Variants in MFHAS1 observed in about 807,000 individuals in gnomAD.
MFHAS1 encodes the protein malignant fibrous histiocytoma-amplified sequence 1.
MFHAS1 carries 50 observed loss-of-function variants against 70.4 expected under a neutral mutation model. The ratio of observed to expected loss-of-function variants is 0.71; its 90% CI spans 0.57 to 0.90. MFHAS1 has a LOEUF of 0.90. Among genes scored for constraint, MFHAS1 ranks in the 40% least tolerant of loss-of-function variants. The pLI is 0.00. For synonymous variants in MFHAS1, 952 were observed against 620.0 expected (o/e 1.54, Z -7.96); for missense variants, 1,795 against 1,347.6 (o/e 1.33, Z -5.20).
At position 8,808,862 on chromosome 8, in the gene MFHAS1, T is replaced by C. The variant is rs115598039; in HGVS notation, c.2999-11371A>G. Reference sequence around the variant, plus strand: ...AATAAGGGTTGGAGGAATGACTCTATAGCAAGGGTGCCCAACGCCAGGGCC... The same window carrying C: ...AATAAGGGTTGGAGGAATGACTCTACAGCAAGGGTGCCCAACGCCAGGGCC... On this transcript the variant is annotated intron_variant, in intron 1 of 2. Transcript: ENST00000276282. Among the ~76,000 whole-genome samples, 907 of 152,220 alleles carry C rather than the reference T, an allele frequency of 6.0e-3. 12 individuals are homozygous for C. The highest frequency in any genetic ancestry group is 0.021 in the African/African-American group (874 of 41,526).
intron 2 of MFHAS1, among the ~76,000 whole-genome samples, chr8:8,796,688 C>CAAAAAAAAAAAAAAAAAA (rs55756300): frequency 1.2e-4 from 3 of 24,774 alleles, no homozygotes; most frequent in Non-Finnish European, 2.1e-4. Context: ...CGTCTCAAAA[C>CAAAAAAAAAAAAAAAAAA]AAAAAAAAAA....
intron 1 of MFHAS1, among the ~76,000 whole-genome samples, chr8:8,886,283 AG>A (rs1809749359): frequency 6.6e-6 from 1 of 151,836 alleles, no homozygotes; most frequent in South Asian, 2.1e-4. Flanking sequence ...GTCCCACCTC[AG>A]CCCCCCAACT....
intron 1 of MFHAS1, among the ~76,000 whole-genome samples, chr8:8,853,667 A>T (rs534589392): frequency 6.6e-6 from 1 of 152,192 alleles, no homozygotes; most frequent in East Asian, 1.9e-4. Context: ...CCAGGGTTCA[A>T]GCGATTCTCC....
chr8:8,889,966 A>T, intron 1 of MFHAS1, 95 bp downstream of exon 1: 1 of 1,052,838 alleles, frequency 9.5e-7, no homozygotes, highest in Non-Finnish European at 1.4e-6. Context: ...AGAACCCGTG[A>T]AGTTAAACAA....
intron 1 of MFHAS1, among the ~76,000 whole-genome samples, chr8:8,831,022 T>C (rs988148739): frequency 1.3e-5 from 2 of 152,136 alleles, no homozygotes; most frequent in African/African-American, 4.8e-5. Context: ...TTTCTCACAG[T>C]CCAGAGGCTG....
Position 8,892,352 on chromosome 8 carries a change from C to T in MFHAS1, c.707G>A (p.Gly236Glu). 1 of 1,611,996 alleles carries T rather than the reference C, an allele frequency of 6.2e-7. No individual in the cohort carries two copies. The highest frequency in any genetic ancestry group is 8.5e-7 in the Non-Finnish European group (1 of 1,179,902). ...LRALKILWLSGAELGTLPAGF... is the reference protein window; with the variant it reads ...LRALKILWLSEAELGTLPAGF... ...GGCGGGCAGCGTGCCAAGCTCGGCC[C>T]CACTCAGCCAGAGGATCTTGAGGGC... The change falls in exon 1 of 3, where the codon GGG (glycine) becomes GAG (glutamate). Residue 236 changes from glycine (G) to glutamate (E), a missense_variant. Coordinates refer to ENST00000276282, the MANE Select transcript of MFHAS1 (RefSeq NM_004225.3). The surrounding 1 kb of genome is among the most constrained non-coding windows in gnomAD (Gnocchi z 4.7).
rs1333261846 is a variant in MFHAS1 at position 8,821,443 on chromosome 8, C to G, written c.2999-23952G>C. Among the ~76,000 whole-genome samples the G allele has an allele frequency of 2.0e-5, 3 of 152,206 alleles. No homozygotes were observed. In the East Asian group the frequency reaches 5.8e-4, roughly 29 times the overall value. Reference sequence around the variant, plus strand: ...GGAGAATAGCATGAAGCAGTAACCTCCCTCCCAAATTTGCTTACAACTCTT... The same window carrying G: ...GGAGAATAGCATGAAGCAGTAACCTGCCTCCCAAATTTGCTTACAACTCTT... On this transcript the variant is annotated intron_variant, in intron 1 of 2. Coordinates refer to ENST00000276282, the MANE Select transcript of MFHAS1 (RefSeq NM_004225.3).
At chr8:8,888,797 C>G (rs1459362921) in intron 1 of MFHAS1, among the ~76,000 whole-genome samples, 1 of 152,116 alleles carries the variant, frequency 6.6e-6, no homozygotes, top group Admixed American at 6.5e-5. Context: ...GGACATTTGT[C>G]CAAACCCACA....
chr8:8,853,975 A>T (rs1808339239), intron 1 of MFHAS1, among the ~76,000 whole-genome samples: 1 of 152,218 alleles, frequency 6.6e-6, no homozygotes, highest in Admixed American at 6.5e-5. Flanking sequence ...ATTCCATAAA[A>T]GACACCAACC....
intron 2 of MFHAS1, among the ~76,000 whole-genome samples, chr8:8,793,457 T>C (rs1322363985): frequency 2.6e-5 from 4 of 152,172 alleles, no homozygotes; most frequent in African/African-American, 4.8e-5. Context: ...AAAACCATCA[T>C]GAGATCCAGA....
At chr8:8,816,533 T>TA (rs1806752263) in intron 1 of MFHAS1, among the ~76,000 whole-genome samples, 2 of 152,236 alleles carry the variant, frequency 1.3e-5, no homozygotes, top group Admixed American at 6.5e-5. Context: ...AGAAATGCCA[T>TA]ATAAGCGTGC....
intron 1 of MFHAS1, among the ~76,000 whole-genome samples, chr8:8,876,533 G>A (rs1042385856): frequency 6.4e-4 from 98 of 152,010 alleles, no homozygotes; most frequent in African/African-American, 2.3e-3. Context: ...TCAGCAGTTC[G>A]AGACCAGTGT....
At chr8:8,800,951 C>T (rs1336667490) in intron 1 of MFHAS1, among the ~76,000 whole-genome samples, 1 of 151,982 alleles carries the variant, frequency 6.6e-6, no homozygotes, top group Non-Finnish European at 1.5e-5. Flanking sequence ...TGCAGTGGCT[C>T]ACACCTGTAA....
intron 1 of MFHAS1, among the ~76,000 whole-genome samples, chr8:8,846,322 A>AGGAGGAGTAGGAGGGGGG (rs1248091419): frequency 1.2e-5 from 1 of 82,670 alleles, no homozygotes; most frequent in East Asian, 4.5e-4. Flanking sequence ...AAGGAGGAGA[A>AGGAGGAGTAGGAGGGGGG]GGAGGAGTAG....
At chr8:8,795,675 A>C (rs773486600) in intron 2 of MFHAS1, among the ~76,000 whole-genome samples, 1 of 152,224 alleles carries the variant, frequency 6.6e-6, no homozygotes, top group Admixed American at 6.5e-5. Flanking sequence ...GCAGCTAATG[A>C]GTAAGAATGC....
intron 1 of MFHAS1, among the ~76,000 whole-genome samples, chr8:8,866,591 T>C (rs528002449): frequency 6.6e-6 from 1 of 152,314 alleles, no homozygotes; most frequent in African/African-American, 2.4e-5. Flanking sequence ...GTTTTGGGAT[T>C]ACAGGCATGA....
intron 1 of MFHAS1, among the ~76,000 whole-genome samples, chr8:8,809,975 C>T (rs1030434711): frequency 6.6e-6 from 1 of 152,166 alleles, no homozygotes. Context: ...TAGGACGAAC[C>T]CTTATGACCT....
chr8:8,887,041 C>T (rs1398699361), intron 1 of MFHAS1, among the ~76,000 whole-genome samples: 5 of 152,094 alleles, frequency 3.3e-5, no homozygotes, highest in African/African-American at 1.2e-4. Flanking sequence ...GCAGGAGAAT[C>T]GCTTGAATCC....
intron 1 of MFHAS1, among the ~76,000 whole-genome samples, chr8:8,804,625 C>T (rs1416632516): frequency 6.6e-6 from 1 of 152,188 alleles, no homozygotes; most frequent in Non-Finnish European, 1.5e-5. Context: ...TAAACAAACT[C>T]AGTGTCAGCA....
Sources: allele counts gnomAD v4.1 joint callset (sites outside exome capture counted in the v4.1 genomes callset), GRCh38; gene constraint gnomAD v4.1.1; non-coding constraint Gnocchi (gnomAD v3.1); transcripts MANE v1.5; gene names NCBI Gene and HGNC (gene_info 2026-07-23, HGNC 2026-07-21).